MOV10L1: variants seen among roughly 807,000 people sequenced by gnomAD.
The protein encoded by MOV10L1 is RNA helicase Mov10l1.
In MOV10L1, 110 loss-of-function variants were observed where a neutral mutation model predicts 143.8. The ratio of observed to expected loss-of-function variants is 0.76; its 90% confidence interval spans 0.66 to 0.90. The LOEUF (loss-of-function observed/expected upper bound fraction) is 0.90, where lower values mean the gene tolerates loss of function less well. Ranked by LOEUF, MOV10L1 falls within the 40% of genes least tolerant of loss-of-function variation. The probability of loss-of-function intolerance (pLI) is 0.00; values close to 1 mark genes in which losing one functional copy is unlikely to be tolerated. For missense variants in MOV10L1, 1,406 were observed against 1,526.8 expected (o/e 0.92, Z 1.32); for synonymous variants, 593 against 581.1 (o/e 1.02, Z -0.29).
rs143921919 is a variant in MOV10L1 at position 50,101,286 on chromosome 22, G to A, written c.442+1684G>A. Among the ~76,000 whole-genome samples the A allele has an allele frequency of 2.3e-3, 355 of 152,224 alleles. 1 individual carries two copies. Among genetic ancestry groups the A allele is most frequent in the African/African-American group, 8.0e-3 (332 of 41,544 alleles). ...GCTGGAGTACAGTAGCACAATCTTGGCTTACTTCAAGCTCCGCCTTCCAGG... is the reference window on the plus strand; with the variant it reads ...GCTGGAGTACAGTAGCACAATCTTGACTTACTTCAAGCTCCGCCTTCCAGG... On this transcript the variant is annotated intron_variant, in intron 3 of 26. Coordinates refer to ENST00000262794, the MANE Select transcript of MOV10L1 (RefSeq NM_018995.3).
chr22:50,143,011 TCTA>T (rs1421508279), intron 16 of MOV10L1, 29 bp from the exon 17 acceptor site: 1 of 1,607,062 alleles, frequency 6.2e-7, no homozygotes, highest in Non-Finnish European at 8.5e-7. Flanking sequence ...GCTGTTTGCA[TCTA>T]ACTGAAACTT....
chr22:50,153,161 G>C lies in MOV10L1; in HGVS notation c.3009G>C (p.Leu1003Phe). The change falls in exon 22 of 27, where the codon TTG becomes TTC. Residue 1003 changes from leucine (L) to phenylalanine (F), a missense_variant. Leu to Phe is a conservative substitution (Grantham distance 22). Transcript: ENST00000262794. ...VCADPTVVTSLLGWEKLPKKG... is the reference protein window; with the variant it reads ...VCADPTVVTSFLGWEKLPKKG... ...CGGACCCCACAGTGGTGACCTCCTT[G>C]CTGGGCTGGGAGAAGTTGCCTAAGA... is the stretch of plus-strand genomic sequence containing the variant. 1 of 1,614,084 alleles carries C rather than the reference G, an allele frequency of 6.2e-7. No individual in the cohort carries two copies. The highest frequency in any genetic ancestry group is 8.5e-7 in the Non-Finnish European group (1 of 1,179,938).
At chr22:50,138,291 C>T (rs1358501747) in intron 15 of MOV10L1, among the ~76,000 whole-genome samples, 3 of 152,030 alleles carry the variant, frequency 2.0e-5, no homozygotes, top group African/African-American at 4.8e-5. Flanking sequence ...TGATGGAGGC[C>T]GGGTGTGGTG....
chr22:50,160,363 C>T lies in MOV10L1; in HGVS notation c.3325-325C>T, dbSNP rs183213624. 8.8e-4 allele frequency among the ~76,000 whole-genome samples: 134 copies of T among 151,830 alleles called. 1 individual carries two copies. Among genetic ancestry groups the T allele is most frequent in the South Asian group, 6.6e-3 (32 of 4,816 alleles). On this transcript the variant is annotated intron_variant, in intron 24 of 26. Transcript: ENST00000262794. Reference sequence around the variant, plus strand: ...CCGGGTTCACGCCATTCTCCTGCCTCAGCCTCTCGAGTAGCTGGGACTACA... The same window carrying T: ...CCGGGTTCACGCCATTCTCCTGCCTTAGCCTCTCGAGTAGCTGGGACTACA...
rs183917151 is a variant in MOV10L1 at position 50,145,866 on chromosome 22, C to T, written c.2627+56C>T. ...GCCTCCCAGGGCAGAGGTCGGAGTC[C>T]TCTCCTAGCTTCTGTCTGAGGGGCG... On this transcript the variant is annotated intron_variant, in intron 19 of 26. Coordinates refer to ENST00000262794, the MANE Select transcript of MOV10L1 (RefSeq NM_018995.3). 5 of 1,603,612 alleles carry T rather than the reference C, an allele frequency of 3.1e-6. No individual in the cohort carries two copies. In the East Asian group the frequency reaches 6.7e-5, roughly 22 times the overall value.
intron 19 of MOV10L1, among the ~76,000 whole-genome samples, chr22:50,146,143 G>T (rs1222975352): frequency 7.9e-6 from 1 of 126,354 alleles, no homozygotes; most frequent in Non-Finnish European, 1.8e-5. Flanking sequence ...GGGGTGGTGA[G>T]GGGGAGGCCT....
In MOV10L1 at chr22:50,145,545, T is replaced by C. The variant is rs572305299; in HGVS notation, c.2506-144T>C. 27 of 1,021,568 alleles carry C rather than the reference T, an allele frequency of 2.6e-5. No homozygotes were observed. The South Asian group carries it at 2.6e-4, about 10-fold the overall frequency. 63.3% of individuals were successfully genotyped at this position (1,021,568 alleles called of 1,614,324 possible). A position where few individuals can be genotyped will look rare whatever the true frequency, so the allele number is the denominator to read the frequency against. On this transcript the variant is annotated intron_variant, in intron 18 of 26. Coordinates refer to ENST00000262794, the MANE Select transcript of MOV10L1 (RefSeq NM_018995.3). ...GTTGATAAAACATGGACTGAATTGA[T>C]AAGGAAGTATGAGATATTTTGAGAA...
chr22:50,159,431 C>T lies in MOV10L1; in HGVS notation c.3217-247C>T, dbSNP rs1228124040. 1.3e-5 allele frequency among the ~76,000 whole-genome samples: 2 copies of T among 152,004 alleles called. No homozygotes were observed. Among genetic ancestry groups the T allele is most frequent in the East Asian group, 3.9e-4 (2 of 5,182 alleles). On this transcript the variant is annotated intron_variant, in intron 23 of 26. Transcript: ENST00000262794. This position sits in a 1 kb window ranked among gnomAD's most constrained non-coding sequence, Gnocchi z 4.1. ...CCTGGCCAATATGGTGAAACCCTCTCTCTACTAAAAAATACAAAAAATTAC... is the reference window on the plus strand; with the variant it reads ...CCTGGCCAATATGGTGAAACCCTCTTTCTACTAAAAAATACAAAAAATTAC...
At chr22:50,116,480 G>A (rs906169597) in intron 8 of MOV10L1, among the ~76,000 whole-genome samples, 2 of 150,808 alleles carry the variant, frequency 1.3e-5, no homozygotes, top group Admixed American at 6.6e-5. Flanking sequence ...GGGGCACAAA[G>A]TGTAGTGTGG....
In MOV10L1 at chr22:50,160,798, G is replaced by T; in HGVS notation, c.3435G>T (p.Val1145=). The T allele has an allele frequency of 6.2e-7, 1 of 1,614,068 alleles. No individual in the cohort carries two copies. The highest frequency in any genetic ancestry group is 8.5e-7 in the Non-Finnish European group (1 of 1,180,002). ...CCAGACCCAAAGCTTTGCTGATAGTGCTGGGAAACCCCCATGTTCTCGTTC... is the reference window on the plus strand; with the variant it reads ...CCAGACCCAAAGCTTTGCTGATAGTTCTGGGAAACCCCCATGTTCTCGTTC... ...AITRPKALLI[V]LGNPHVLVRD... The change falls in exon 25 of 27, where the codon GTG becomes GTT. Residue 1145 remains valine (V), a synonymous_variant. Transcript: ENST00000262794.
intron 1 of MOV10L1, 148 bp downstream of exon 1, chr22:50,090,333 C>G (rs2062395498): frequency 1.3e-6 from 2 of 1,483,140 alleles, no homozygotes; most frequent in Non-Finnish European, 1.8e-6. Flanking sequence ...CGGGGATCCC[C>G]GTTCGCCTCA....
At position 50,106,981 on chromosome 22, in the gene MOV10L1, G is replaced by A. The variant is rs186429433; in HGVS notation, c.443-1155G>A. Reference sequence around the variant, plus strand: ...CTCCCAAAGTGCTGGGATTACAGGCGTGAGCCACCATGCCCGGCCAGGACA... The same window carrying A: ...CTCCCAAAGTGCTGGGATTACAGGCATGAGCCACCATGCCCGGCCAGGACA... On this transcript the variant is annotated intron_variant, in intron 3 of 26. Coordinates refer to ENST00000262794, the MANE Select transcript of MOV10L1 (RefSeq NM_018995.3). 6.2e-3 allele frequency among the ~76,000 whole-genome samples: 942 copies of A among 151,738 alleles called. 11 individuals are homozygous for A. The highest frequency in any genetic ancestry group is 8.8e-3 in the South Asian group (42 of 4,794).
chr22:50,108,817 C>T lies in MOV10L1; in HGVS notation c.716C>T (p.Ala239Val). ...ESSQSCYVWR[A>V]LCMTLVKRRD... The stretch of plus-strand genomic sequence containing the variant: ...AGCCAGTCATGCTATGTCTGGAGGG[C>T]ACTTTGTATGACCCTAGTGAAGAGG... Residue 239 changes from alanine to valine, a missense_variant, in exon 5 of 27, where the codon GCA becomes GTA. By Grantham distance (64) the Ala-to-Val change is moderately conservative (BLOSUM62 0). Coordinates refer to ENST00000262794, the MANE Select transcript of MOV10L1 (RefSeq NM_018995.3). The T allele has an allele frequency of 3.1e-6, 5 of 1,614,106 alleles. No homozygotes were observed. The highest frequency in any genetic ancestry group is 4.2e-6 in the Non-Finnish European group (5 of 1,180,010).
intron 17 of MOV10L1, 81 bp from the exon 18 acceptor site, chr22:50,144,016 G>A (rs2063065121): frequency 6.5e-7 from 1 of 1,535,928 alleles, no homozygotes. Flanking sequence ...GCACCCGAAT[G>A]TGTGTGTTGA....
rs1419102552 is a variant in MOV10L1 at position 50,091,930 on chromosome 22, C to G, written c.98-71C>G. On this transcript the variant is annotated intron_variant, in intron 1 of 26. Coordinates refer to ENST00000262794, the MANE Select transcript of MOV10L1 (RefSeq NM_018995.3). Reference sequence around the variant, plus strand: ...AAGGAGGCTTTTGCACTCTGCCTTTCTCTGGTGGGGTTCACTGTAGCGTAC... The same window carrying G: ...AAGGAGGCTTTTGCACTCTGCCTTTGTCTGGTGGGGTTCACTGTAGCGTAC... 3.4e-6 allele frequency: 5 copies of G among 1,475,032 alleles called. No individual in the cohort carries two copies. In the South Asian group the frequency reaches 5.3e-5, roughly 16 times the overall value. 91.4% of individuals were successfully genotyped at this position (1,475,032 alleles called of 1,614,324 possible). A position where few individuals can be genotyped will look rare whatever the true frequency, so the allele number is the denominator to read the frequency against.
At chr22:50,108,429 C>T (rs1239234576) in intron 4 of MOV10L1, 181 bp downstream of exon 4, 12 of 763,932 alleles carry the variant, frequency 1.6e-5, no homozygotes, top group Non-Finnish European at 2.5e-5. Context: ...AACAATAACT[C>T]CTAGTGCTTG....
chr22:50,147,890 G>A (rs540287328), intron 19 of MOV10L1, among the ~76,000 whole-genome samples: 16 of 152,330 alleles, frequency 1.1e-4, no homozygotes, highest in Admixed American at 5.2e-4. Context: ...TGTGAAATCC[G>A]TGTCTTGAGA....
chr22:50,142,752 C>G (rs1188663012), intron 16 of MOV10L1, among the ~76,000 whole-genome samples: 1 of 151,914 alleles, frequency 6.6e-6, no homozygotes, highest in Non-Finnish European at 1.5e-5. Flanking sequence ...GGGAGGATCG[C>G]TTGAGCTCAG....
At position 50,152,973 on chromosome 22, in the gene MOV10L1, G is replaced by A; in HGVS notation, c.2893-72G>A. ...GCAGGCCTCACGTTTGCTGTGCAGAGCCGCTTTTCGTTCGACAGAAACTGT... is the reference window on the plus strand; with the variant it reads ...GCAGGCCTCACGTTTGCTGTGCAGAACCGCTTTTCGTTCGACAGAAACTGT... On this transcript the variant is annotated intron_variant, in intron 21 of 26. Coordinates refer to ENST00000262794, the MANE Select transcript of MOV10L1 (RefSeq NM_018995.3). The surrounding 1 kb of genome is among the most constrained non-coding windows in gnomAD (Gnocchi z 4.4). 1 of 1,470,514 alleles carries A rather than the reference G, an allele frequency of 6.8e-7. No individual in the cohort carries two copies. Among genetic ancestry groups the A allele is most frequent in the African/African-American group, 1.4e-5 (1 of 71,850 alleles). The allele number at this position is 1,470,514 out of a possible 1,614,324, so 91.1% of individuals were successfully genotyped here. A position where few individuals can be genotyped will look rare whatever the true frequency, so the allele number is the denominator to read the frequency against.
Sources: gnomAD v4.1 joint callset for allele counts (sites outside exome capture counted in the v4.1 genomes callset) on GRCh38, gnomAD v4.1.1 for gene constraint, Gnocchi (gnomAD v3.1) non-coding constraint, MANE v1.5 for transcripts, NCBI Gene and HGNC (gene_info 2026-07-23, HGNC 2026-07-21) for gene names.